The following ZNF710 variants were observed in gnomAD, a reference collection of about 807,000 sequenced individuals.
ZNF710 encodes zinc finger protein 710.
A neutral mutation model predicts 50.6 loss-of-function variants in ZNF710; 13 were observed. The ratio of observed to expected loss-of-function variants is 0.26; its 90% CI spans 0.17 to 0.41. ZNF710 has a LOEUF of 0.41. Among genes scored for constraint, ZNF710 ranks in the 10% least tolerant of loss-of-function variants. ZNF710 has a pLI of 1.00. For synonymous variants in ZNF710, 383 were observed against 397.0 expected, an observed-to-expected ratio of 0.96 and a Z score of 0.42; for missense variants, 721 against 936.6, an observed-to-expected ratio of 0.77 and a Z score of 3.01.
rs1900239543 is a variant in ZNF710, at chr15:90,067,907, A to T, written c.770A>T (p.Asp257Val). Residue 257 changes from aspartate to valine, a missense_variant, in exon 2 of 5, where the codon GAC becomes GTC. Coordinates refer to ENST00000268154, the MANE Select transcript of ZNF710 (RefSeq NM_198526.4). The surrounding 1 kb of genome is among the most constrained non-coding windows in gnomAD (Gnocchi z 8.1). Reference sequence around the variant, plus strand: ...CAGGAGGCCAGTGAGTTCGAGGCTGACACGGCGGGTTCGACCGTGGAACGC... The same window carrying T: ...CAGGAGGCCAGTGAGTTCGAGGCTGTCACGGCGGGTTCGACCGTGGAACGC... ...VWQEASEFEA[D>V]TAGSTVERHK... 4 of 1,608,750 alleles carry T rather than the reference A, an allele frequency of 2.5e-6. No homozygotes were observed. The highest frequency in any genetic ancestry group is 3.3e-5 in the Admixed American group (2 of 59,848).
chr15:90,062,220 T>TTC lies in ZNF710; in HGVS notation c.-28-4874_-28-4873dup, dbSNP rs57400649. On this transcript the variant is annotated intron_variant, in intron 1 of 4. Coordinates refer to ENST00000268154, the MANE Select transcript of ZNF710 (RefSeq NM_198526.4). The surrounding 1 kb of genome is among the most constrained non-coding windows in gnomAD (Gnocchi z 5.6). ...CTTCATTTCTTCTCTCCCTCTCCCT[T>TTC]TCTCTCTCTCTCTCTCTGATATGTC... 0.12 allele frequency among the ~76,000 whole-genome samples: 18,048 copies of TTC among 144,534 alleles called. 1,346 individuals carry two copies. Among genetic ancestry groups the TTC allele is most frequent in the African/African-American group, 0.2 (7,767 of 39,382 alleles). The allele number at this position is 144,534 out of a possible 152,430, so 94.8% of individuals were successfully genotyped here.
chr15:90,053,361 T>TC (rs58347739), intron 1 of ZNF710, among the ~76,000 whole-genome samples: 1 of 151,526 alleles, frequency 6.6e-6, no homozygotes, highest in East Asian at 1.9e-4. Flanking sequence ...TTTTTTTTTT[T>TC]CTTTTGAGAC....
At chr15:90,005,330 T>C (rs141105116) in intron 1 of ZNF710, among the ~76,000 whole-genome samples, 9 of 152,272 alleles carry the variant, frequency 5.9e-5, no homozygotes, top group Non-Finnish European at 1.3e-4. Context: ...AGTTGTGCTG[T>C]GAGTCATTGC....
intron 4 of ZNF710, among the ~76,000 whole-genome samples, chr15:90,079,073 C>T (rs183418319): frequency 1.8e-4 from 28 of 152,270 alleles, no homozygotes; most frequent in Admixed American, 9.1e-4. Flanking sequence ...GCACAGCTGC[C>T]GGCAGGAGGC....
intron 1 of ZNF710, among the ~76,000 whole-genome samples, chr15:90,060,270 A>G (rs1362969633): frequency 6.6e-6 from 1 of 152,242 alleles, no homozygotes; most frequent in Non-Finnish European, 1.5e-5. Flanking sequence ...TCAGTGGCTC[A>G]AGCCTGGCAC....
rs1899069582 is a variant in ZNF710 at position 90,034,835 on chromosome 15, C to T, written c.-28-32275C>T. On this transcript the variant is annotated intron_variant, in intron 1 of 4. Coordinates refer to ENST00000268154, the MANE Select transcript of ZNF710 (RefSeq NM_198526.4). The surrounding 1 kb of genome is among the most constrained non-coding windows in gnomAD (Gnocchi z 4.0). ...CTGTTGGGGACTTAGACCTCTTCCA[C>T]ATCGCCCCAAGGTCGGGCTGAAGAG... Among the ~76,000 whole-genome samples the T allele has an allele frequency of 6.6e-6, 1 of 152,240 alleles. No individual in the cohort carries two copies. The highest frequency in any genetic ancestry group is 1.5e-5 in the Non-Finnish European group (1 of 68,042).
intron 1 of ZNF710, chr15:90,006,738 C>G (rs1898150043): frequency 6.5e-6 from 1 of 154,758 alleles, no homozygotes; most frequent in Non-Finnish European, 1.5e-5. Context: ...ATATGTGGTC[C>G]ATGGACCAGC....
intron 1 of ZNF710, among the ~76,000 whole-genome samples, chr15:90,011,082 C>T (rs1056702221): frequency 6.6e-6 from 1 of 152,044 alleles, no homozygotes; most frequent in Admixed American, 6.5e-5. Flanking sequence ...AGGCATGTGC[C>T]ACCATGCCTG....
intron 1 of ZNF710, among the ~76,000 whole-genome samples, chr15:90,061,659 G>A (rs570272049): frequency 6.6e-6 from 1 of 152,088 alleles, no homozygotes; most frequent in Non-Finnish European, 1.5e-5. Context: ...GATCCCACCC[G>A]ACCCTCCTCT....
intron 1 of ZNF710, among the ~76,000 whole-genome samples, chr15:90,020,098 G>T (rs959776876): frequency 2.0e-5 from 3 of 152,194 alleles, no homozygotes; most frequent in African/African-American, 7.2e-5. Flanking sequence ...GGAACAGAGG[G>T]AAGTTTGATG....
rs1900733090 is a variant in ZNF710, at chr15:90,081,963, G to A, written c.*2134G>A. 6.6e-6 allele frequency: 1 copy of A among 152,334 alleles called. No homozygotes were observed. Among genetic ancestry groups the A allele is most frequent in the South Asian group, 2.1e-4 (1 of 4,834 alleles). 9.4% of individuals were successfully genotyped at this position (152,334 alleles called of 1,614,324 possible). On this transcript the variant is annotated 3_prime_UTR_variant, in exon 5 of 5. Transcript: ENST00000268154. Reference sequence around the variant, plus strand: ...AACTCACAGTTTGAGCTGGGGGGTGGTCTTGGCAAGGCTCCTGTCTGTACC... The same window carrying A: ...AACTCACAGTTTGAGCTGGGGGGTGATCTTGGCAAGGCTCCTGTCTGTACC...
At chr15:90,022,874 A>T (rs1202804151) in intron 1 of ZNF710, among the ~76,000 whole-genome samples, 1 of 152,188 alleles carries the variant, frequency 6.6e-6, no homozygotes, top group Non-Finnish European at 1.5e-5. Flanking sequence ...TGTTCTTAAT[A>T]CATATTTATA....
chr15:90,026,286 A>C lies in ZNF710; in HGVS notation c.-29+24672A>C, dbSNP rs1022174821. On this transcript the variant is annotated intron_variant, in intron 1 of 4. Transcript: ENST00000268154. ...AACAACAACAAAAAAAAAAAAGGGAATGAGAAAGGGGACATTGCAATAGAT... is the reference window on the plus strand; with the variant it reads ...AACAACAACAAAAAAAAAAAAGGGACTGAGAAAGGGGACATTGCAATAGAT... Among the ~76,000 whole-genome samples, 6 of 140,570 alleles carry C rather than the reference A, an allele frequency of 4.3e-5. No homozygotes were observed. In the South Asian group the frequency reaches 1.1e-3, roughly 26 times the overall value. The allele number at this position is 140,570 out of a possible 152,430, so 92.2% of individuals were successfully genotyped here. A position where few individuals can be genotyped will look rare whatever the true frequency, so the allele number is the denominator to read the frequency against.
chr15:90,021,912 C>T (rs1430633311), intron 1 of ZNF710, among the ~76,000 whole-genome samples: 1 of 152,160 alleles, frequency 6.6e-6, no homozygotes, highest in African/African-American at 2.4e-5. Flanking sequence ...CAAAACCCGT[C>T]TCTACTAAAA....
chr15:90,031,426 G>C (rs1403425827), intron 1 of ZNF710, among the ~76,000 whole-genome samples: 1 of 152,156 alleles, frequency 6.6e-6, no homozygotes, highest in Non-Finnish European at 1.5e-5. Context: ...AGATCCCCGG[G>C]TGATTCCTCA....
intron 1 of ZNF710, among the ~76,000 whole-genome samples, chr15:90,061,175 T>G (rs1250307166): frequency 6.6e-6 from 1 of 152,210 alleles, no homozygotes; most frequent in Non-Finnish European, 1.5e-5. Flanking sequence ...TACTTTTTTT[T>G]GTTTTGTTTT....
chr15:90,026,621 T>A (rs553537065), intron 1 of ZNF710, among the ~76,000 whole-genome samples: 1 of 152,268 alleles, frequency 6.6e-6, no homozygotes, highest in Non-Finnish European at 1.5e-5. Context: ...AAGAGACTAT[T>A]TTGAAGCATG....
intron 1 of ZNF710, among the ~76,000 whole-genome samples, chr15:90,047,137 C>T (rs1198539207): frequency 1.8e-5 from 2 of 112,346 alleles, no homozygotes; most frequent in Non-Finnish European, 3.6e-5. Flanking sequence ...GACGAGGGTC[C>T]GAGTTTGAGG....
At chr15:90,063,536 TG>T (rs200180643) in intron 1 of ZNF710, among the ~76,000 whole-genome samples, 1,597 of 152,256 alleles carry the variant, frequency 0.01, 17 homozygotes, top group Non-Finnish European at 0.015. Flanking sequence ...ACAAGGACTC[TG>T]GGTTAGTCCC....
Sources: gnomAD v4.1 joint callset for allele counts (sites outside exome capture counted in the v4.1 genomes callset) on GRCh38, gnomAD v4.1.1 for gene constraint, Gnocchi (gnomAD v3.1) non-coding constraint, MANE v1.5 for transcripts, NCBI Gene and HGNC (gene_info 2026-07-23, HGNC 2026-07-21) for gene names.